CHAC2: variants seen among roughly 807,000 people sequenced by gnomAD.
CHAC2 encodes ChaC glutathione specific gamma-glutamylcyclotransferase 2, also known as glutathione-specific gamma-glutamylcyclotransferase 2.
A neutral mutation model predicts 16.9 loss-of-function variants in CHAC2; 20 were observed. The ratio of observed to expected loss-of-function variants is 1.18; its 90% CI spans 0.83 to 1.72. The LOEUF (loss-of-function observed/expected upper bound fraction) is 1.72, where lower values mean the gene tolerates loss of function less well. CHAC2 is among the 40% of genes most tolerant of loss of function. CHAC2 has a pLI of 0.00. For synonymous variants in CHAC2, 91 were observed against 77.3 expected (o/e 1.18, Z -0.93); for missense variants, 269 against 222.2 (o/e 1.21, Z -1.34).
At chr2:53,769,939 CTATT>C (rs1458243485) in intron 1 of CHAC2, among the ~76,000 whole-genome samples, 3 of 152,186 alleles carry the variant, frequency 2.0e-5, no homozygotes, top group African/African-American at 4.8e-5. Flanking sequence ...TATCTTAGCT[CTATT>C]TATTTCACAT....
chr2:53,771,774 A>G, intron 1 of CHAC2, 133 bp from the exon 2 acceptor site: 2 of 686,358 alleles, frequency 2.9e-6, no homozygotes, highest in Non-Finnish European at 5.2e-6. Context: ...ATAAAAAATA[A>G]CTATGCTTAA....
At chr2:53,771,993 C>T (rs377640536) in intron 2 of CHAC2, 51 bp downstream of exon 2, 13 of 1,038,010 alleles carry the variant, frequency 1.3e-5, no homozygotes, top group Middle Eastern at 2.9e-4. Flanking sequence ...TAAAATGTTG[C>T]GATGTTTCTG....
chr2:53,770,498 T>TAA (rs76201682), intron 1 of CHAC2, among the ~76,000 whole-genome samples: 26 of 110,524 alleles, frequency 2.4e-4, no homozygotes, highest in Non-Finnish European at 3.3e-4. Context: ...GAAGTTTATT[T>TAA]AAAAAAAAAA....
chr2:53,769,991 G>A (rs1673782158), intron 1 of CHAC2, among the ~76,000 whole-genome samples: 1 of 152,130 alleles, frequency 6.6e-6, no homozygotes, highest in African/African-American at 2.4e-5. Context: ...TAAGCTACTG[G>A]AACCAAGAAT....
At chr2:53,770,615 A>T (rs1484498269) in intron 1 of CHAC2, among the ~76,000 whole-genome samples, 1 of 152,160 alleles carries the variant, frequency 6.6e-6, no homozygotes, top group Non-Finnish European at 1.5e-5. Flanking sequence ...TTTATAAGCA[A>T]AGACTGTTTT....
chr2:53,768,710 A>T (rs915689585), intron 1 of CHAC2, among the ~76,000 whole-genome samples: 2 of 152,244 alleles, frequency 1.3e-5, no homozygotes, highest in African/African-American at 4.8e-5. Context: ...TGGTTCTCAT[A>T]ATTATAATAT....
intron 1 of CHAC2, among the ~76,000 whole-genome samples, chr2:53,771,402 A>G (rs527717913): frequency 1.3e-5 from 2 of 152,114 alleles, no homozygotes; most frequent in South Asian, 2.1e-4. Context: ...AATCCCAACT[A>G]CTCAGGAGGC....
At chr2:53,773,535 A>G (rs1285556604) in intron 2 of CHAC2, among the ~76,000 whole-genome samples, 1 of 152,040 alleles carries the variant, frequency 6.6e-6, no homozygotes, top group East Asian at 2.0e-4. Context: ...GGTTCAAGCA[A>G]TGCTCCTGCC....
Position 53,774,539 on chromosome 2 carries a change from G to A in CHAC2, c.*14G>A. 6.6e-7 allele frequency: 1 copy of A among 1,507,202 alleles called. No individual in the cohort carries two copies. Among genetic ancestry groups the A allele is most frequent in the Non-Finnish European group, 8.9e-7 (1 of 1,128,562 alleles). 93.4% of individuals were successfully genotyped at this position (1,507,202 alleles called of 1,614,324 possible). ...AATTGCATATAATTTAGTCTTCAGA[G>A]AATTAACTTCAGTGCACAATGACAA... On this transcript the variant is annotated 3_prime_UTR_variant, in exon 3 of 3. Coordinates refer to ENST00000295304, the MANE Select transcript of CHAC2 (RefSeq NM_001008708.4).
Position 53,767,909 on chromosome 2 carries a change from C to A in CHAC2, c.23C>A (p.Ser8Tyr), listed in dbSNP as rs377010141. 4 of 1,613,100 alleles carry A rather than the reference C, an allele frequency of 2.5e-6. No individual in the cohort carries two copies. The highest frequency in any genetic ancestry group is 3.4e-6 in the Non-Finnish European group (4 of 1,179,672). Reference protein sequence around the residue: MWVFGYGSLIWKVDFPYQ... With the variant: MWVFGYGYLIWKVDFPYQ... ...AAGATGTGGGTTTTTGGTTACGGGT[C>A]CCTGATCTGGAAGGTGGATTTCCCC... Residue 8 changes from serine (S) to tyrosine (Y), a missense_variant, in exon 1 of 3, where the codon TCC becomes TAC. Coordinates refer to ENST00000295304, the MANE Select transcript of CHAC2 (RefSeq NM_001008708.4).
intron 1 of CHAC2, chr2:53,768,279 G>A (rs1673639993): frequency 6.9e-6 from 3 of 437,444 alleles, no homozygotes; most frequent in Non-Finnish European, 1.2e-5. Context: ...ACAGGCGCAC[G>A]AGCTCGCACC....
intron 2 of CHAC2, 126 bp from the exon 3 acceptor site, chr2:53,774,016 C>A: frequency 9.3e-7 from 1 of 1,074,198 alleles, no homozygotes; most frequent in South Asian, 1.8e-5. Flanking sequence ...GCCTGGGCAA[C>A]AGACAAGACT....
intron 1 of CHAC2, among the ~76,000 whole-genome samples, chr2:53,770,772 C>T (rs1673846781): frequency 6.6e-6 from 1 of 152,122 alleles, no homozygotes; most frequent in South Asian, 2.1e-4. Flanking sequence ...AATAAAATTG[C>T]CTAGAACACA....
chr2:53,770,539 T>A lies in CHAC2; in HGVS notation c.136-1368T>A, dbSNP rs557427605. 3.3e-3 allele frequency among the ~76,000 whole-genome samples: 493 copies of A among 148,458 alleles called. 4 individuals are homozygous for A. Among genetic ancestry groups the A allele is most frequent in the African/African-American group, 0.012 (473 of 40,444 alleles). ...AAAAAAAAAAGCTTGCAGGCACTGA[T>A]AGGTGTCACCTTTGTGCCTTAAATT... On this transcript the variant is annotated intron_variant, in intron 1 of 2. Transcript: ENST00000295304.
chr2:53,768,893 T>C (rs769754437), intron 1 of CHAC2, among the ~76,000 whole-genome samples: 7 of 152,170 alleles, frequency 4.6e-5, no homozygotes, highest in Non-Finnish European at 8.8e-5. Context: ...AATTTGGAAA[T>C]TGGTCAATGG....
intron 2 of CHAC2, among the ~76,000 whole-genome samples, chr2:53,772,246 C>A (rs1305553148): frequency 6.6e-6 from 1 of 152,120 alleles, no homozygotes; most frequent in East Asian, 1.9e-4. Flanking sequence ...GCGATCTCGG[C>A]TCACTGCAAG....
chr2:53,772,019 C>T (rs994948036), intron 2 of CHAC2, 77 bp downstream of exon 2: 1 of 833,912 alleles, frequency 1.2e-6, no homozygotes, highest in Non-Finnish European at 1.9e-6. Flanking sequence ...ATTTGATTAA[C>T]AATCATCACA....
chr2:53,771,959 C>T lies in CHAC2; in HGVS notation c.171+17C>T. 2 of 1,373,584 alleles carry T rather than the reference C, an allele frequency of 1.5e-6. No homozygotes were observed. Among genetic ancestry groups the T allele is most frequent in the Non-Finnish European group, 1.0e-6 (1 of 1,001,262 alleles). The allele number at this position is 1,373,584 out of a possible 1,614,324, so 85.1% of individuals were successfully genotyped here. A position where few individuals can be genotyped will look rare whatever the true frequency, so the allele number is the denominator to read the frequency against. ...GATCCTGCGGTATGGTATAAATATT[C>T]TTTTTTGTATAATTTTAATTTTATA... On this transcript the variant is annotated intron_variant, in intron 2 of 2. Coordinates refer to ENST00000295304, the MANE Select transcript of CHAC2 (RefSeq NM_001008708.4).
At chr2:53,773,681 G>A (rs573945803) in intron 2 of CHAC2, among the ~76,000 whole-genome samples, 149 of 151,232 alleles carry the variant, frequency 9.9e-4, no homozygotes, top group African/African-American at 3.3e-3. Context: ...CACTCACCTC[G>A]GCCTCCCAAA....
Sources: allele counts gnomAD v4.1 joint callset (sites outside exome capture counted in the v4.1 genomes callset), GRCh38; gene constraint gnomAD v4.1.1; transcripts MANE v1.5; gene names NCBI Gene and HGNC (gene_info 2026-07-23, HGNC 2026-07-21).